The following PHKA2 variants were observed in gnomAD, a reference collection of about 807,000 sequenced individuals.
PHKA2 encodes phosphorylase kinase regulatory subunit alpha 2, also known as phosphorylase b kinase regulatory subunit alpha, liver isoform.
PHKA2 carries 31 observed loss-of-function variants against 102.0 expected under a neutral mutation model. The observed-to-expected ratio is 0.30, with a 90% CI of 0.23 to 0.41. The LOEUF is 0.41. PHKA2 is among the 10% of genes least tolerant of loss of function. The pLI, the probability that PHKA2 is intolerant of heterozygous loss-of-function variation, is 1.00. For missense variants in PHKA2, 858 were observed against 1,023.1 expected, an observed-to-expected ratio of 0.84 and a Z score of 2.20; for synonymous variants, 455 against 416.2, an observed-to-expected ratio of 1.09 and a Z score of -1.13.
intron 1 of PHKA2, among the ~76,000 whole-genome samples, chrX:18,983,635 A>G (rs2049213815): frequency 8.9e-6 from 1 of 112,592 alleles, no homozygotes; most frequent in South Asian, 3.6e-4. Context: ...CAATGGCCAA[A>G]GAATTCTGTG....
At chrX:18,942,755 G>T (rs1011056953) in intron 7 of PHKA2, among the ~76,000 whole-genome samples, 5 of 109,500 alleles carry the variant, frequency 4.6e-5, no homozygotes, top group African/African-American at 1.7e-4. Flanking sequence ...AGCTGAGGCG[G>T]GAGGACTGCT....
At chrX:18,913,075 CAAA>C (rs752580775) in intron 19 of PHKA2, among the ~76,000 whole-genome samples, 4 of 40,153 alleles carry the variant, frequency 1.0e-4, no homozygotes, top group African/African-American at 8.2e-5. Context: ...AAGACCCTGT[CAAA>C]AAAAAAAAAA....
chrX:18,904,096 CAGG>C (rs760520346), intron 26 of PHKA2, among the ~76,000 whole-genome samples: 37 of 111,626 alleles, frequency 3.3e-4, no homozygotes, highest in African/African-American at 1.2e-3. Context: ...GGGCACTGTG[CAGG>C]AGGAGTAGTG....
At chrX:18,982,791 G>T (rs1025179285) in intron 1 of PHKA2, among the ~76,000 whole-genome samples, 1 of 111,863 alleles carries the variant, frequency 8.9e-6, no homozygotes, top group Admixed American at 9.4e-5. Context: ...CCGAGATCGC[G>T]CCACTGCACT....
At chrX:18,976,095 C>T (rs1361800326) in intron 1 of PHKA2, among the ~76,000 whole-genome samples, 2 of 106,765 alleles carry the variant, frequency 1.9e-5, no homozygotes, top group Admixed American at 1.0e-4. Flanking sequence ...ATGCCTCAGC[C>T]TCCCGAGTAG....
rs747636170 is a variant in PHKA2, at chrX:18,907,906, C to T, written c.2511G>A (p.Leu837=). 5.0e-6 allele frequency: 6 copies of T among 1,211,337 alleles called. No homozygotes were observed. The East Asian group carries it at 1.8e-4, about 36-fold the overall frequency. ...SGLLRKKVEV[L]AEACTDLLSH... is the part of the protein sequence containing the mutation. ...CCTGCACAGTCGCACTGACCTCAGC[C>T]AGGACCTCCACTTTCTTCCTGAGAA... Residue 837 remains leucine (L), a synonymous_variant, in exon 22 of 33, where the codon CTG becomes CTA. Transcript: ENST00000379942.
At chrX:18,981,083 G>A (rs2049164885) in intron 1 of PHKA2, among the ~76,000 whole-genome samples, 1 of 110,508 alleles carries the variant, frequency 9.0e-6, no homozygotes. Flanking sequence ...TTTTAATTGT[G>A]GTAAAATATA....
intron 17 of PHKA2, among the ~76,000 whole-genome samples, chrX:18,920,830 G>A (rs1464640028): frequency 8.9e-6 from 1 of 112,326 alleles, no homozygotes. Context: ...AACCCCACAC[G>A]CTGGGAGCGA....
At chrX:18,977,033 T>C (rs1304143935) in intron 1 of PHKA2, among the ~76,000 whole-genome samples, 2 of 112,329 alleles carry the variant, frequency 1.8e-5, no homozygotes, top group African/African-American at 6.5e-5. Flanking sequence ...CATGTAAGGA[T>C]ATAAATTTCA....
Position 18,899,219 on chromosome X carries a change from G to A in PHKA2, c.3065C>T (p.Ser1022Phe). The change falls in exon 29 of 33, where the codon TCT becomes TTT. Residue 1022 changes from serine to phenylalanine, a missense_variant. Transcript: ENST00000379942. ...ACTGCTGGACGCGGCCTGGCCCACA[G>A]AAAAGAACTACAAAACAAAAAGAAT... is the stretch of plus-strand genomic sequence containing the variant. ...RRFSADEQFF[S>F]VGQAASSSAH... 1 of 1,207,683 alleles carries A rather than the reference G, an allele frequency of 8.3e-7. No homozygotes were observed. The highest frequency in any genetic ancestry group is 1.7e-5 in the African/African-American group (1 of 57,749).
intron 22 of PHKA2, 97 bp from the exon 23 acceptor site, chrX:18,907,194 C>T (rs760865412): frequency 4.8e-6 from 3 of 622,646 alleles, no homozygotes; most frequent in East Asian, 3.6e-5. Context: ...CCAATCAGAT[C>T]GTACATTTAC....
intron 1 of PHKA2, among the ~76,000 whole-genome samples, chrX:18,968,442 G>C (rs1244477450): frequency 9.3e-6 from 1 of 107,921 alleles, no homozygotes; most frequent in Non-Finnish European, 1.9e-5. Flanking sequence ...ACTATTTTAA[G>C]TCTTTTTGGA....
At chrX:18,945,790 A>T (rs1052771556) in intron 5 of PHKA2, among the ~76,000 whole-genome samples, 6 of 111,964 alleles carry the variant, frequency 5.4e-5, no homozygotes, top group African/African-American at 1.3e-4. Context: ...TATTTTCATT[A>T]AAAAATCCAC....
intron 17 of PHKA2, among the ~76,000 whole-genome samples, chrX:18,923,750 A>G (rs2048164631): frequency 8.9e-6 from 1 of 112,353 alleles, no homozygotes. Flanking sequence ...TAACAGAAAT[A>G]TACACAGAAT....
rs144564684 is a variant in PHKA2, at chrX:18,929,778, C to T, written c.1246-472G>A. On this transcript the variant is annotated intron_variant, in intron 12 of 32. Transcript: ENST00000379942. ...CTCTCTCAGTCCATTCTTCTGGAGG[C>T]GCCACAGAAACTAGAATTCTTCTTC... Among the ~76,000 whole-genome samples the T allele has an allele frequency of 6.7e-3, 754 of 111,980 alleles. 1 individual carries two copies. Among genetic ancestry groups the T allele is most frequent in the South Asian group, 0.015 (41 of 2,666 alleles).
chrX:18,908,685 G>T, intron 21 of PHKA2, 116 bp downstream of exon 21: 3 of 637,829 alleles, frequency 4.7e-6, no homozygotes, highest in Non-Finnish European at 5.2e-6. Context: ...CATCAAATCG[G>T]CCTTGAGTTT....
At chrX:18,963,155 T>C (rs1236156292) in intron 1 of PHKA2, among the ~76,000 whole-genome samples, 1 of 112,751 alleles carries the variant, frequency 8.9e-6, no homozygotes, top group Admixed American at 9.4e-5. Flanking sequence ...TAGTGGCCTA[T>C]AATTTCCCCT....
rs750634059 is a variant in PHKA2 at position 18,893,302 on chromosome X, C to CTCTA, written c.*179_*182dup. On this transcript the variant is annotated 3_prime_UTR_variant, in exon 33 of 33. Transcript: ENST00000379942. ...TGCGGGGGAACACAGGACTCCTCAG[C>CTCTA]TCTATCTCTGTGGCTTTAACATACA... 2.1e-4 allele frequency: 107 copies of CTCTA among 500,993 alleles called. No individual in the cohort carries two copies. The highest frequency in any genetic ancestry group is 1.4e-3 in the South Asian group (52 of 37,010). 41.3% of individuals were successfully genotyped at this position (500,993 alleles called of 1,213,427 possible).
chrX:18,907,722 T>G (rs1248530888), intron 22 of PHKA2, among the ~76,000 whole-genome samples, 178 bp downstream of exon 22: 2 of 111,830 alleles, frequency 1.8e-5, no homozygotes, highest in Non-Finnish European at 3.8e-5. Flanking sequence ...TGCATTTCCT[T>G]CCCTCTGCTC....
Sources: allele counts gnomAD v4.1 joint callset (sites outside exome capture counted in the v4.1 genomes callset), GRCh38; gene constraint gnomAD v4.1.1; transcripts MANE v1.5; gene names NCBI Gene and HGNC (gene_info 2026-07-23, HGNC 2026-07-21).